The following ARHGAP28 variants were observed in gnomAD, a reference collection of about 807,000 sequenced individuals.
ARHGAP28 encodes rho GTPase-activating protein 28.
A neutral mutation model predicts 90.7 loss-of-function variants in ARHGAP28; 56 were observed. The observed-to-expected ratio is 0.62, with a 90% CI of 0.50 to 0.77. The LOEUF is 0.77. Among genes scored for constraint, ARHGAP28 ranks in the 30% least tolerant of loss-of-function variants. The pLI, the probability that ARHGAP28 is intolerant of heterozygous loss-of-function variation, is 0.00. For missense variants in ARHGAP28, 869 were observed against 900.9 expected (o/e 0.96, Z 0.45); for synonymous variants, 308 against 323.3 (o/e 0.95, Z 0.51).
chr18:6,782,463 G>T (rs1464519740), intron 1 of ARHGAP28, among the ~76,000 whole-genome samples: 1 of 151,754 alleles, frequency 6.6e-6, no homozygotes, highest in Non-Finnish European at 1.5e-5. Context: ...TGTCACCCAG[G>T]CTGGAGTGCA....
At chr18:6,854,036 C>T (rs2056932081) in intron 4 of ARHGAP28, among the ~76,000 whole-genome samples, 1 of 151,854 alleles carries the variant, frequency 6.6e-6, no homozygotes, top group Non-Finnish European at 1.5e-5. Flanking sequence ...ATTTTGGGTT[C>T]ACAATGGCAA....
chr18:6,750,797 C>T (rs1016454758), intron 1 of ARHGAP28, among the ~76,000 whole-genome samples: 2 of 152,222 alleles, frequency 1.3e-5, no homozygotes, highest in Admixed American at 6.5e-5. Flanking sequence ...ATCACCAACA[C>T]ATGAATTTGG....
intron 1 of ARHGAP28, among the ~76,000 whole-genome samples, chr18:6,804,602 G>A (rs1204161937): frequency 6.6e-6 from 1 of 152,032 alleles, no homozygotes; most frequent in Admixed American, 6.5e-5. Context: ...CACAAATTTT[G>A]TTATGGTACA....
chr18:6,873,361 T>C (rs746814895), intron 7 of ARHGAP28, 48 bp from the exon 8 acceptor site: 3 of 1,540,096 alleles, frequency 1.9e-6, no homozygotes, highest in Non-Finnish European at 2.6e-6. Flanking sequence ...GAACGCATAA[T>C]AATTTTCCTT....
At chr18:6,907,857 G>A (rs1600311372) in intron 16 of ARHGAP28, among the ~76,000 whole-genome samples, 1 of 152,110 alleles carries the variant, frequency 6.6e-6, no homozygotes, top group Non-Finnish European at 1.5e-5. Flanking sequence ...AAAACTACGT[G>A]TGAATCTACA....
intron 1 of ARHGAP28, among the ~76,000 whole-genome samples, chr18:6,744,029 T>C (rs372940339): frequency 4.5e-4 from 68 of 152,092 alleles, no homozygotes; most frequent in Middle Eastern, 6.8e-3. Context: ...GTTCAATGAA[T>C]GAATGATTGA....
intron 14 of ARHGAP28, among the ~76,000 whole-genome samples, chr18:6,894,386 G>A (rs536246532): frequency 2.7e-4 from 41 of 152,274 alleles, no homozygotes; most frequent in Admixed American, 2.3e-3. Flanking sequence ...AAATATCAGT[G>A]TATGTTCTTT....
Position 6,912,340 on chromosome 18 carries a change from C to A in ARHGAP28, c.*186C>A. 1 of 379,664 alleles carries A rather than the reference C, an allele frequency of 2.6e-6. No individual in the cohort carries two copies. Among genetic ancestry groups the A allele is most frequent in the Non-Finnish European group, 4.7e-6 (1 of 210,678 alleles). The allele number at this position is 379,664 out of a possible 1,614,324, so 23.5% of individuals were successfully genotyped here. A position where few individuals can be genotyped will look rare whatever the true frequency, so the allele number is the denominator to read the frequency against. Reference sequence around the variant, plus strand: ...CGCCGGTTCACCAATTCAACTGAAGCTTTCTCATGACTTTTTTTTTTATAA... The same window carrying A: ...CGCCGGTTCACCAATTCAACTGAAGATTTCTCATGACTTTTTTTTTTATAA... On this transcript the variant is annotated 3_prime_UTR_variant, in exon 18 of 18. Transcript: ENST00000383472.
chr18:6,898,656 C>A, intron 16 of ARHGAP28: 1 of 1,489,746 alleles, frequency 6.7e-7, no homozygotes. Flanking sequence ...ACAAAACTGA[C>A]TTTGTACTCT....
At chr18:6,761,965 C>T (rs375545345) in intron 1 of ARHGAP28, among the ~76,000 whole-genome samples, 30 of 152,282 alleles carry the variant, frequency 2.0e-4, no homozygotes, top group African/African-American at 6.5e-4. Context: ...CAATAACCAG[C>T]GGTCTACAGG....
At chr18:6,806,834 G>GA (rs1379375872) in intron 1 of ARHGAP28, among the ~76,000 whole-genome samples, 1 of 151,638 alleles carries the variant, frequency 6.6e-6, no homozygotes, top group Non-Finnish European at 1.5e-5. Flanking sequence ...TTTTATGTCT[G>GA]AAAAAAACCT....
chr18:6,894,027 C>G (rs950659946), intron 14 of ARHGAP28, among the ~76,000 whole-genome samples: 3 of 151,848 alleles, frequency 2.0e-5, no homozygotes, highest in African/African-American at 7.3e-5. Flanking sequence ...CCACCACGCT[C>G]GGCTAATTTT....
At chr18:6,859,625 G>C (rs2056982044) in intron 4 of ARHGAP28, among the ~76,000 whole-genome samples, 183 bp from the exon 5 acceptor site, 1 of 152,172 alleles carries the variant, frequency 6.6e-6, no homozygotes, top group African/African-American at 2.4e-5. Flanking sequence ...GTCCTTAGAG[G>C]GCTGGGCACC....
chr18:6,816,073 T>C (rs2056588775), intron 1 of ARHGAP28, among the ~76,000 whole-genome samples: 1 of 152,194 alleles, frequency 6.6e-6, no homozygotes, highest in African/African-American at 2.4e-5. Flanking sequence ...GAAAGCTTTG[T>C]TCGCTTTCTT....
chr18:6,821,835 C>T (rs2056629087), intron 1 of ARHGAP28, among the ~76,000 whole-genome samples: 1 of 152,244 alleles, frequency 6.6e-6, no homozygotes, highest in African/African-American at 2.4e-5. Flanking sequence ...GTAGACCCTT[C>T]GCATGAATAA....
intron 16 of ARHGAP28, among the ~76,000 whole-genome samples, chr18:6,904,928 A>G (rs1030479323): frequency 3.3e-5 from 5 of 152,172 alleles, no homozygotes; most frequent in African/African-American, 1.2e-4. Flanking sequence ...AATCTATAAT[A>G]TTAAAGTTTT....
At position 6,775,040 on chromosome 18, in the gene ARHGAP28, A is replaced by C. The variant is rs17416970; in HGVS notation, c.122+45097A>C. Among the ~76,000 whole-genome samples the C allele has an allele frequency of 6.4e-4, 97 of 152,284 alleles. 1 individual carries two copies. Among genetic ancestry groups the C allele is most frequent in the African/African-American group, 2.3e-3 (94 of 41,572 alleles). ...AGAGGCTCTTCTTCGGGAAACACAAATGTGTGCTCTTCCCAGAAAGGCTTC... is the reference window on the plus strand; with the variant it reads ...AGAGGCTCTTCTTCGGGAAACACAACTGTGTGCTCTTCCCAGAAAGGCTTC... On this transcript the variant is annotated intron_variant, in intron 1 of 17. Coordinates refer to ENST00000383472, the MANE Select transcript of ARHGAP28 (RefSeq NM_001366230.1).
chr18:6,826,975 C>T (rs1210996546), intron 2 of ARHGAP28, among the ~76,000 whole-genome samples: 3 of 152,170 alleles, frequency 2.0e-5, no homozygotes, highest in Non-Finnish European at 2.9e-5. Flanking sequence ...GTGGACACAA[C>T]ACATGTTTCA....
rs2057159379 is a variant in ARHGAP28 at position 6,879,389 on chromosome 18, G to A, written c.1291-2748G>A. On this transcript the variant is annotated intron_variant, in intron 10 of 17. Transcript: ENST00000383472. ...TGTATAAAACTACCTCCAAAATAGA[G>A]GCACATTGCATTTTTGCTGAAGGGA... Among the ~76,000 whole-genome samples the A allele has an allele frequency of 2.0e-5, 3 of 152,138 alleles. No individual in the cohort carries two copies. The South Asian group carries it at 6.2e-4, about 31-fold the overall frequency.
Sources: gnomAD v4.1 joint callset for allele counts (sites outside exome capture counted in the v4.1 genomes callset) on GRCh38, gnomAD v4.1.1 for gene constraint, MANE v1.5 for transcripts, NCBI Gene and HGNC (gene_info 2026-07-23, HGNC 2026-07-21) for gene names.